The following CSMD1 variants were observed in gnomAD, a reference collection of about 807,000 sequenced individuals.
CSMD1 encodes the protein CUB and sushi domain-containing protein 1.
A neutral mutation model predicts 417.5 loss-of-function variants in CSMD1; 213 were observed. The ratio of observed to expected loss-of-function variants is 0.51; its 90% CI spans 0.46 to 0.57. The LOEUF (loss-of-function observed/expected upper bound fraction) is 0.57, where lower values mean the gene tolerates loss of function less well. Among genes scored for constraint, CSMD1 ranks in the 20% least tolerant of loss-of-function variants. The probability of loss-of-function intolerance (pLI) is 0.00; values close to 1 mark genes in which losing one functional copy is unlikely to be tolerated. For missense variants in CSMD1, 6,923 were observed against 4,529.7 expected (o/e 1.53, Z -15.17); for synonymous variants, 2,862 against 1,736.8 (o/e 1.65, Z -16.11).
intron 1 of CSMD1, among the ~76,000 whole-genome samples, chr8:4,709,524 G>C (rs73512997): frequency 6.6e-6 from 1 of 152,360 alleles, no homozygotes; most frequent in South Asian, 2.1e-4. Context: ...AGGGTACAAA[G>C]AGGGCAGAGA....
At chr8:3,365,487 G>T (rs539015478) in intron 20 of CSMD1, among the ~76,000 whole-genome samples, 2 of 152,280 alleles carry the variant, frequency 1.3e-5, no homozygotes, top group South Asian at 4.1e-4. Flanking sequence ...AAAAATGTGG[G>T]TTTGAACTAC....
At chr8:3,843,405 T>G (rs905225977) in intron 5 of CSMD1, among the ~76,000 whole-genome samples, 1 of 152,196 alleles carries the variant, frequency 6.6e-6, no homozygotes, top group Non-Finnish European at 1.5e-5. Context: ...ATTTCAGATA[T>G]TTAAAGTCAA....
At chr8:4,310,888 A>G (rs576271354) in intron 3 of CSMD1, among the ~76,000 whole-genome samples, 3 of 152,194 alleles carry the variant, frequency 2.0e-5, no homozygotes, top group African/African-American at 7.2e-5. Context: ...GTGGCCAACA[A>G]GCATATGAAA....
intron 3 of CSMD1, among the ~76,000 whole-genome samples, chr8:4,198,739 T>C (rs1799482293): frequency 6.6e-6 from 1 of 152,186 alleles, no homozygotes; most frequent in African/African-American, 2.4e-5. Flanking sequence ...TTCTTTGTAA[T>C]CTATACTTTC....
intron 3 of CSMD1, among the ~76,000 whole-genome samples, chr8:4,090,800 A>G (rs146581893): frequency 9.2e-5 from 14 of 152,362 alleles, no homozygotes; most frequent in African/African-American, 3.4e-4. Context: ...GCGTGGTTAA[A>G]GAACATATAT....
chr8:3,400,253 C>T (rs892404553), intron 15 of CSMD1, among the ~76,000 whole-genome samples: 3 of 152,094 alleles, frequency 2.0e-5, no homozygotes, highest in South Asian at 2.1e-4. Context: ...ATGTCCCTGG[C>T]CACATGTTTT....
At chr8:3,895,055 G>C (rs532185636) in intron 5 of CSMD1, among the ~76,000 whole-genome samples, 1 of 152,214 alleles carries the variant, frequency 6.6e-6, no homozygotes, top group South Asian at 2.1e-4. Context: ...TGGTATAGGT[G>C]GAGTACAGCC....
chr8:4,535,590 G>A (rs918937619), intron 2 of CSMD1, among the ~76,000 whole-genome samples: 1 of 152,128 alleles, frequency 6.6e-6, no homozygotes, highest in Non-Finnish European at 1.5e-5. Context: ...AGTCATCCAA[G>A]ATAGCATCTC....
intron 11 of CSMD1, among the ~76,000 whole-genome samples, chr8:3,485,637 G>C (rs1465838966): frequency 8.6e-5 from 13 of 151,672 alleles, no homozygotes; most frequent in African/African-American, 2.7e-4. Flanking sequence ...GCGCATGCTG[G>C]TTATCCCAGC....
chr8:4,403,335 T>C (rs1018955955), intron 3 of CSMD1, among the ~76,000 whole-genome samples: 1 of 152,204 alleles, frequency 6.6e-6, no homozygotes, highest in Admixed American at 6.5e-5. Flanking sequence ...CATTTCATTT[T>C]AGAACAAAAC....
intron 3 of CSMD1, among the ~76,000 whole-genome samples, chr8:4,149,992 G>A (rs1424820760): frequency 1.3e-5 from 2 of 152,224 alleles, no homozygotes; most frequent in Non-Finnish European, 2.9e-5. Context: ...AGAGAAGTCA[G>A]AGAGACTGAT....
chr8:4,887,363 TA>T (rs920996024), intron 1 of CSMD1, among the ~76,000 whole-genome samples: 7 of 152,092 alleles, frequency 4.6e-5, no homozygotes, highest in African/African-American at 1.7e-4. Flanking sequence ...TTAAATGTAT[TA>T]AGGCTTATTT....
At chr8:4,136,468 G>A (rs1803442140) in intron 3 of CSMD1, among the ~76,000 whole-genome samples, 1 of 152,142 alleles carries the variant, frequency 6.6e-6, no homozygotes, top group Non-Finnish European at 1.5e-5. Context: ...CTGTGTGTTA[G>A]CAAACCAAAG....
intron 2 of CSMD1, among the ~76,000 whole-genome samples, chr8:4,430,044 C>T (rs1452146657): frequency 6.6e-6 from 1 of 152,154 alleles, no homozygotes; most frequent in Non-Finnish European, 1.5e-5. Flanking sequence ...CCTGAGTTTT[C>T]AGAATCAACC....
At chr8:4,343,898 G>A (rs761555238) in intron 3 of CSMD1, among the ~76,000 whole-genome samples, 5 of 152,002 alleles carry the variant, frequency 3.3e-5, no homozygotes, top group African/African-American at 1.2e-4. Context: ...AATTTTTAAG[G>A]CTTATTTACT....
chr8:4,831,148 C>T (rs573595709), intron 1 of CSMD1, among the ~76,000 whole-genome samples: 3 of 152,212 alleles, frequency 2.0e-5, no homozygotes, highest in Admixed American at 6.5e-5. Flanking sequence ...TTAAATCATC[C>T]GTTATTCAAT....
chr8:3,325,805 C>A lies in CSMD1; in HGVS notation c.3632-17302G>T, dbSNP rs1382511162. 1.3e-5 allele frequency among the ~76,000 whole-genome samples: 2 copies of A among 152,166 alleles called. 1 individual carries two copies. The highest frequency in any genetic ancestry group is 4.1e-4 in the South Asian group (2 of 4,826). On this transcript the variant is annotated intron_variant, in intron 23 of 69. Coordinates refer to ENST00000635120, the MANE Select transcript of CSMD1 (RefSeq NM_033225.6). ...TACCACTGCACTCCAGCCTGGGCGACAGAGTGAGGCTCCGTCTCAAACAAA... is the reference window on the plus strand; with the variant it reads ...TACCACTGCACTCCAGCCTGGGCGAAAGAGTGAGGCTCCGTCTCAAACAAA...
rs140761477 is a variant in CSMD1 at position 3,872,750 on chromosome 8, G to A, written c.819-118708C>T. On this transcript the variant is annotated intron_variant, in intron 5 of 69. Coordinates refer to ENST00000635120, the MANE Select transcript of CSMD1 (RefSeq NM_033225.6). ...GAGTGAACAGATAACCTTCAAAACC[G>A]GAGAAATTTTTTGCAAACTACCCAT... Among the ~76,000 whole-genome samples the A allele has an allele frequency of 3.2e-4, 49 of 151,792 alleles. No individual in the cohort carries two copies. The East Asian group carries it at 6.4e-3, about 20-fold the overall frequency.
intron 3 of CSMD1, among the ~76,000 whole-genome samples, chr8:4,205,167 C>G (rs941576527): frequency 2.0e-5 from 3 of 152,140 alleles, no homozygotes; most frequent in East Asian, 1.9e-4. Context: ...AGAGAGAAAA[C>G]TGGGTGAAGA....
Sources: allele counts gnomAD v4.1 joint callset (sites outside exome capture counted in the v4.1 genomes callset), GRCh38; gene constraint gnomAD v4.1.1; transcripts MANE v1.5; gene names NCBI Gene and HGNC (gene_info 2026-07-23, HGNC 2026-07-21).